The following TTN variants were observed in gnomAD, a reference collection of about 807,000 sequenced individuals.
TTN encodes the protein titin.
A neutral mutation model predicts 3,223.0 loss-of-function variants in TTN; 1,525 were observed. The ratio of observed to expected loss-of-function variants is 0.47; its 90% CI spans 0.45 to 0.49. The LOEUF is 0.49. TTN is among the 20% of genes least tolerant of loss of function. The pLI, the probability that TTN is intolerant of heterozygous loss-of-function variation, is 0.00. For synonymous variants in TTN, 14,094 were observed against 15,161.0 expected (o/e 0.93, Z 5.17); for missense variants, 40,786 against 43,424.0 (o/e 0.94, Z 5.40).
chr2:178,664,549 T>C lies in TTN; in HGVS notation c.36203-12A>G. On this transcript the variant is annotated splice_polypyrimidine_tract_variant and intron_variant, in intron 167 of 362. Coordinates refer to ENST00000589042, the MANE Select transcript of TTN (RefSeq NM_001267550.2). Reference sequence around the variant, plus strand: ...GAGAGCCTCCGGCACTTTGAAGATATTAATAATTTTACATTTAGAAGTTAC... The same window carrying C: ...GAGAGCCTCCGGCACTTTGAAGATACTAATAATTTTACATTTAGAAGTTAC... 1.9e-6 allele frequency: 3 copies of C among 1,607,280 alleles called. No individual in the cohort carries two copies. The highest frequency in any genetic ancestry group is 2.5e-6 in the Non-Finnish European group (3 of 1,177,376).
Position 178,577,683 on chromosome 2 carries a change from T to A in TTN, c.68743A>T (p.Arg22915Ter). ...DLVEGGKYEF[R>*]IRAKNTAGAI... is the part of the protein sequence containing the mutation. ...CCTGCTGTATTCTTTGCTCTAATTC[T>A]GAATTCATATTTTCCACCCTCAACA... The change falls in exon 323 of 363, where the codon AGA becomes TGA. Residue 22915 changes from arginine to a stop codon, truncating the protein, a stop_gained. Coordinates refer to ENST00000589042, the MANE Select transcript of TTN (RefSeq NM_001267550.2). LOFTEE classifies it high-confidence loss of function. 6.2e-7 allele frequency: 1 copy of A among 1,613,372 alleles called. No individual in the cohort carries two copies. Among genetic ancestry groups the A allele is most frequent in the East Asian group, 2.2e-5 (1 of 44,728 alleles).
intron 22 of TTN, 22 bp from the exon 23 acceptor site, chr2:178,779,484 T>C: frequency 7.3e-7 from 1 of 1,374,302 alleles, no homozygotes; most frequent in Non-Finnish European, 1.0e-6. Flanking sequence ...GATTATGGTC[T>C]GTTAAAAATA....
At position 178,774,406 on chromosome 2, in the gene TTN, T is replaced by C. The variant is rs141920643; in HGVS notation, c.6858A>G (p.Leu2286=). The change falls in exon 30 of 363, where the codon TTA becomes TTG. Residue 2286 remains leucine (L), a synonymous_variant. Transcript: ENST00000589042. The part of the protein sequence containing the change: ...IEVPESYSGE[L]ECIVSPENIE... Reference sequence around the variant, plus strand: ...TATTTTCTGGGGATACAATGCACTCTAATTCTCCTGAATATGATTCTGGAA... The same window carrying C: ...TATTTTCTGGGGATACAATGCACTCCAATTCTCCTGAATATGATTCTGGAA... The C allele has an allele frequency of 6.2e-7, 1 of 1,613,804 alleles. No homozygotes were observed. The highest frequency in any genetic ancestry group is 8.5e-7 in the Non-Finnish European group (1 of 1,179,926).
intron 294 of TTN, among the ~76,000 whole-genome samples, chr2:178,597,187 A>C (rs2051932450): frequency 6.6e-6 from 1 of 152,124 alleles, no homozygotes; most frequent in Non-Finnish European, 1.5e-5. Context: ...TCTATAAAAA[A>C]GCCATATTTA....
At chr2:178,674,192 A>C (rs1485719771) in intron 151 of TTN, 122 bp downstream of exon 151, 5 of 655,080 alleles carry the variant, frequency 7.6e-6, no homozygotes, top group Non-Finnish European at 1.3e-5. Flanking sequence ...AGGAATAATT[A>C]ATCTTCACTT....
chr2:178,609,588 A>G lies in TTN; in HGVS notation c.51740-18T>C. 1 of 1,568,326 alleles carries G rather than the reference A, an allele frequency of 6.4e-7. No homozygotes were observed. Among genetic ancestry groups the G allele is most frequent in the Non-Finnish European group, 8.6e-7 (1 of 1,158,848 alleles). ...GGGGGCATCTATAGTGATCATAACC[A>G]ATAAATGTTTTCAATTCTGATGAAA... On this transcript the variant is annotated intron_variant, in intron 272 of 362. Transcript: ENST00000589042.
Position 178,612,928 on chromosome 2 carries a change from C to T in TTN, c.49793G>A (p.Trp16598Ter). The T allele has an allele frequency of 6.2e-7, 1 of 1,612,746 alleles. No homozygotes were observed. Among genetic ancestry groups the T allele is most frequent in the Non-Finnish European group, 8.5e-7 (1 of 1,179,280 alleles). Residue 16598 changes from tryptophan to a stop codon, truncating the protein, a stop_gained, in exon 265 of 363, where the codon TGG becomes TAG. Transcript: ENST00000589042. LOFTEE classifies it high-confidence loss of function. Reference sequence around the variant, plus strand: ...GGGAACCCCTTCCGCCACTCTGACCCACTCATCTGTTCCAGTCTTCAGCAT... The same window carrying T: ...GGGAACCCCTTCCGCCACTCTGACCTACTCATCTGTTCCAGTCTTCAGCAT... Reference protein sequence around the residue: ...IEMLKTGTDEWVRVAEGVPTT... With the variant: ...IEMLKTGTDE
intron 100 of TTN, among the ~76,000 whole-genome samples, chr2:178,707,323 G>T (rs1210613052): frequency 6.6e-6 from 1 of 152,146 alleles, no homozygotes; most frequent in African/African-American, 2.4e-5. Context: ...TGGTAAACTT[G>T]TAGTAATTTC....
At chr2:178,628,127 A>C (rs2059309998) in intron 240 of TTN, among the ~76,000 whole-genome samples, 1 of 152,090 alleles carries the variant, frequency 6.6e-6, no homozygotes, top group Non-Finnish European at 1.5e-5. Context: ...TATAACAGGC[A>C]GGCGTTACCT....
rs777196126 is a variant in TTN, at chr2:178,593,358, T to A, written c.58850A>T (p.Lys19617Met). The change falls in exon 299 of 363, where the codon AAG becomes ATG. Residue 19617 changes from lysine (K) to methionine (M), a missense_variant. By Grantham distance (95) the Lys-to-Met change is moderately conservative. Transcript: ENST00000589042. ...CCATCGTTTAGACATAGTTTCTCTC[T>A]TTTCCAGGATGTAGTTTGTGATGGG... ...GKPITNYILE[K>M]RETMSKRWAR... is the part of the protein sequence containing the mutation. 3 of 1,613,380 alleles carry A rather than the reference T, an allele frequency of 1.9e-6. No individual in the cohort carries two copies. In the South Asian group the frequency reaches 3.3e-5, roughly 18 times the overall value.
chr2:178,664,390 A>G, intron 168 of TTN, 70 bp downstream of exon 168: 1 of 1,252,248 alleles, frequency 8.0e-7, no homozygotes, highest in Non-Finnish European at 1.1e-6. Context: ...ATAATTTTCA[A>G]AACTAGAAAG....
chr2:178,756,706 C>G lies in TTN; in HGVS notation c.10770G>C (p.Glu3590Asp), dbSNP rs377401997. The change falls in exon 46 of 363, where the codon GAG becomes GAC. Residue 3590 changes from glutamate (E) to aspartate (D), a missense_variant. Physicochemically the swap from Glu to Asp is conservative, Grantham distance 45. Transcript: ENST00000589042. ...TAATTTCCTTTTGAGATATTTTGCT[C>G]TCCTCCTTTGTGAAAGAGGAATCTG... ...AVADSSFTKE[E>D]SKISQKEIKS... is the part of the protein sequence containing the mutation. The G allele has an allele frequency of 9.2e-5, 149 of 1,613,756 alleles. No homozygotes were observed. Among genetic ancestry groups the G allele is most frequent in the Middle Eastern group, 8.3e-4 (5 of 6,060 alleles).
Position 178,568,336 on chromosome 2 carries a change from A to T in TTN, c.77796T>A (p.Asp25932Glu). The T allele has an allele frequency of 1.2e-6, 2 of 1,613,406 alleles. No homozygotes were observed. Among genetic ancestry groups the T allele is most frequent in the Middle Eastern group, 1.7e-4 (1 of 6,060 alleles). ...QITNYIVQKR[D>E]TTTTVWDVVS... ...CAACATCCCATACTGTGGTGGTTGT[A>T]TCTCTTTTCTGAACAATGTAGTTGG... The change falls in exon 326 of 363, where the codon GAT (aspartate) becomes GAA (glutamate). Residue 25932 changes from aspartate (D) to glutamate (E), a missense_variant. Transcript: ENST00000589042.
intron 15 of TTN, 95 bp downstream of exon 15, chr2:178,785,525 A>G: frequency 1.3e-6 from 2 of 1,565,254 alleles, no homozygotes; most frequent in South Asian, 2.2e-5. Context: ...ACCAAAAAAG[A>G]ATCCTCCATT....
chr2:178,722,807 C>T lies in TTN; in HGVS notation c.22092G>A (p.Arg7364=). Residue 7364 remains arginine, a synonymous_variant, in exon 76 of 363, where the codon CGG becomes CGA. Coordinates refer to ENST00000589042, the MANE Select transcript of TTN (RefSeq NM_001267550.2). ...VSWYKGDTKL[R]PTPEYRTYFT... ...AGTAGGTCCTGTATTCAGGAGTTGG[C>T]CGTAATTTGGTATCTCCTTTGTACC... 6.2e-7 allele frequency: 1 copy of T among 1,613,230 alleles called. No homozygotes were observed. Among genetic ancestry groups the T allele is most frequent in the East Asian group, 2.2e-5 (1 of 44,818 alleles).
chr2:178,738,401 A>G, intron 48 of TTN, 41 bp from the exon 49 acceptor site: 1 of 1,563,202 alleles, frequency 6.4e-7, no homozygotes, highest in Non-Finnish European at 8.7e-7. Flanking sequence ...CCTCCTTATC[A>G]GGCATATGAC....
chr2:178,652,410 A>G (rs768563338), intron 202 of TTN, 48 bp downstream of exon 202: 1 of 1,613,302 alleles, frequency 6.2e-7, no homozygotes, highest in South Asian at 1.1e-5. Context: ...AATACTTTCC[A>G]GAGCAGAAGA....
At position 178,555,119 on chromosome 2, in the gene TTN, G is replaced by T; in HGVS notation, c.88340C>A (p.Thr29447Lys). 1 of 1,613,188 alleles carries T rather than the reference G, an allele frequency of 6.2e-7. No homozygotes were observed. ...GPVIDLPLEY[T>K]EVVKYRAGTS... The stretch of plus-strand genomic sequence containing the variant: ...ACCTGCTCTGTATTTGACAACTTCT[G>T]TATATTCTAGAGGCAAATCAATTAC... The change falls in exon 331 of 363, where the codon ACA (threonine) becomes AAA (lysine). Residue 29447 changes from threonine (T) to lysine (K), a missense_variant. Thr to Lys is a moderately conservative substitution (Grantham distance 78, BLOSUM62 -1). Coordinates refer to ENST00000589042, the MANE Select transcript of TTN (RefSeq NM_001267550.2).
Position 178,566,189 on chromosome 2 carries a change from A to C in TTN, c.79943T>G (p.Leu26648Arg). 2 of 1,613,710 alleles carry C rather than the reference A, an allele frequency of 1.2e-6. No homozygotes were observed. The highest frequency in any genetic ancestry group is 1.7e-6 in the Non-Finnish European group (2 of 1,179,706). The part of the protein sequence containing the change: ...QIEKGVNYTQ[L>R]SIDNCDRNDA... Reference sequence around the variant, plus strand: ...ATTTCTATCACAGTTATCTATTGATAGTTGGGTATAGTTTACTCCCTTTTC... The same window carrying C: ...ATTTCTATCACAGTTATCTATTGATCGTTGGGTATAGTTTACTCCCTTTTC... The change falls in exon 326 of 363, where the codon CTA becomes CGA. Residue 26648 changes from leucine to arginine, a missense_variant. Coordinates refer to ENST00000589042, the MANE Select transcript of TTN (RefSeq NM_001267550.2).
Sources: allele counts gnomAD v4.1 joint callset (sites outside exome capture counted in the v4.1 genomes callset), GRCh38; gene constraint gnomAD v4.1.1; transcripts MANE v1.5; gene names NCBI Gene and HGNC (gene_info 2026-07-23, HGNC 2026-07-21).